FHIT: variants seen among roughly 807,000 people sequenced by gnomAD.
The protein encoded by FHIT is bis(5'-adenosyl)-triphosphatase.
A neutral mutation model predicts 17.9 loss-of-function variants in FHIT; 19 were observed. The ratio of observed to expected loss-of-function variants is 1.06; its 90% CI spans 0.74 to 1.56. FHIT has a LOEUF of 1.56. Among genes scored for constraint, FHIT ranks in the 40% most tolerant of loss-of-function variants. The pLI, the probability that FHIT is intolerant of heterozygous loss-of-function variation, is 0.00. For missense variants in FHIT, 248 were observed against 189.2 expected (o/e 1.31, Z -1.82); for synonymous variants, 81 against 69.7 (o/e 1.16, Z -0.81).
At chr3:60,235,299 C>G (rs779293321) in intron 5 of FHIT, among the ~76,000 whole-genome samples, 1 of 149,736 alleles carries the variant, frequency 6.7e-6, no homozygotes, top group Non-Finnish European at 1.5e-5. Context: ...GGCGTGGTCT[C>G]GGCTCACTGC....
intron 4 of FHIT, among the ~76,000 whole-genome samples, chr3:60,645,932 T>C (rs2107798746): frequency 6.6e-6 from 1 of 152,272 alleles, no homozygotes; most frequent in South Asian, 2.1e-4. Flanking sequence ...TTCAAATAAA[T>C]AAAACCTACT....
intron 3 of FHIT, among the ~76,000 whole-genome samples, chr3:60,874,861 G>C (rs1704573700): frequency 6.6e-6 from 1 of 152,134 alleles, no homozygotes; most frequent in Non-Finnish European, 1.5e-5. Flanking sequence ...TCTGAAATAG[G>C]AAGGTCTGTG....
intron 7 of FHIT, among the ~76,000 whole-genome samples, chr3:59,929,437 C>T (rs991390292): frequency 1.6e-5 from 2 of 128,522 alleles, no homozygotes; most frequent in Non-Finnish European, 3.1e-5. Context: ...GTGGCACGAT[C>T]TCGGCTCACT....
At chr3:60,276,291 T>C (rs1366556030) in intron 5 of FHIT, among the ~76,000 whole-genome samples, 1 of 152,176 alleles carries the variant, frequency 6.6e-6, no homozygotes, top group East Asian at 1.9e-4. Context: ...CGGCCTGTTT[T>C]TGTAATTTCT....
intron 5 of FHIT, among the ~76,000 whole-genome samples, chr3:60,357,207 TG>T (rs1418431103): frequency 6.7e-6 from 1 of 149,076 alleles, no homozygotes; most frequent in Non-Finnish European, 1.5e-5. Flanking sequence ...ACTTGTTTTT[TG>T]TTTGTTTGTT....
At chr3:61,110,903 T>A (rs1477769322) in intron 2 of FHIT, among the ~76,000 whole-genome samples, 1 of 152,202 alleles carries the variant, frequency 6.6e-6, no homozygotes, top group African/African-American at 2.4e-5. Context: ...ATTTAGGTTT[T>A]ACCGCTATAA....
At chr3:60,438,142 T>A (rs1218520606) in intron 5 of FHIT, among the ~76,000 whole-genome samples, 1 of 152,166 alleles carries the variant, frequency 6.6e-6, no homozygotes, top group South Asian at 2.1e-4. Context: ...ATTTGCACCG[T>A]AGTCCAGCTC....
chr3:60,296,787 G>A (rs1708231616), intron 5 of FHIT, among the ~76,000 whole-genome samples: 1 of 151,900 alleles, frequency 6.6e-6, no homozygotes, highest in South Asian at 2.1e-4. Flanking sequence ...TTCTAAAAGT[G>A]TTACATTAAT....
chr3:60,810,550 AG>A (rs1701542602), intron 4 of FHIT, among the ~76,000 whole-genome samples: 1 of 152,202 alleles, frequency 6.6e-6, no homozygotes, highest in Non-Finnish European at 1.5e-5. Flanking sequence ...ACTACACATT[AG>A]TAGAAAGGTT....
intron 8 of FHIT, among the ~76,000 whole-genome samples, chr3:59,803,028 A>G (rs1463630701): frequency 6.6e-6 from 1 of 152,104 alleles, no homozygotes; most frequent in Non-Finnish European, 1.5e-5. Context: ...CTGCCCTGTG[A>G]TATCCCCAGC....
At position 60,468,461 on chromosome 3, in the gene FHIT, CTGTTT is replaced by C. The variant is rs549503628; in HGVS notation, c.103+68394_103+68398del. ...GCTTGCTTTTTTATTTTTTCTAGAT[CTGTTT>C]TAAGTTTTTGCTTTGAGTGTACTGT... is the stretch of plus-strand genomic sequence containing the variant. On this transcript the variant is annotated intron_variant, in intron 5 of 9. Transcript: ENST00000492590. Among the ~76,000 whole-genome samples, 312 of 151,956 alleles carry C rather than the reference CTGTTT, an allele frequency of 2.1e-3. 1 individual carries two copies. The highest frequency in any genetic ancestry group is 3.9e-3 in the Non-Finnish European group (264 of 67,884).
intron 5 of FHIT, among the ~76,000 whole-genome samples, chr3:60,227,932 A>G (rs1704296651): frequency 6.6e-6 from 1 of 152,158 alleles, no homozygotes; most frequent in Admixed American, 6.5e-5. Flanking sequence ...TTAAAAAGCA[A>G]TTACTGGACA....
At chr3:61,004,485 T>C (rs1171495865) in intron 3 of FHIT, among the ~76,000 whole-genome samples, 2 of 152,186 alleles carry the variant, frequency 1.3e-5, no homozygotes, top group Non-Finnish European at 2.9e-5. Flanking sequence ...ATAAGGGACA[T>C]TCAACACTCT....
intron 5 of FHIT, among the ~76,000 whole-genome samples, chr3:60,049,822 AGTATT>A (rs1701801218): frequency 6.6e-6 from 1 of 152,208 alleles, no homozygotes; most frequent in African/African-American, 2.4e-5. Flanking sequence ...AACTACTACA[AGTATT>A]CTATAATAAG....
intron 7 of FHIT, among the ~76,000 whole-genome samples, chr3:59,973,006 A>G (rs1327758192): frequency 6.6e-6 from 1 of 152,184 alleles, no homozygotes; most frequent in East Asian, 1.9e-4. Context: ...TCCCAGTTGA[A>G]TACCAACTCT....
chr3:60,068,406 G>C (rs1163400557), intron 5 of FHIT, among the ~76,000 whole-genome samples: 1 of 152,186 alleles, frequency 6.6e-6, no homozygotes, highest in African/African-American at 2.4e-5. Context: ...TTAAGCTGGA[G>C]ATCTTGAGAA....
chr3:60,471,424 C>T (rs982245727), intron 5 of FHIT, among the ~76,000 whole-genome samples: 2 of 152,190 alleles, frequency 1.3e-5, no homozygotes, highest in Non-Finnish European at 2.9e-5. Context: ...TAGGGCTGGT[C>T]TAAATGCTCC....
intron 3 of FHIT, among the ~76,000 whole-genome samples, chr3:60,915,152 C>T (rs1706938171): frequency 6.6e-6 from 1 of 151,988 alleles, no homozygotes; most frequent in African/African-American, 2.4e-5. Flanking sequence ...ATTTTTCTTC[C>T]ATGTCTTTTT....
chr3:60,321,754 G>A (rs557447671), intron 5 of FHIT, among the ~76,000 whole-genome samples: 28 of 152,290 alleles, frequency 1.8e-4, no homozygotes, highest in Non-Finnish European at 4.0e-4. Context: ...CAGTTCTGGA[G>A]GCTGAGAAGC....
Sources: gnomAD v4.1 joint callset for allele counts (sites outside exome capture counted in the v4.1 genomes callset) on GRCh38, gnomAD v4.1.1 for gene constraint, MANE v1.5 for transcripts, NCBI Gene and HGNC (gene_info 2026-07-23, HGNC 2026-07-21) for gene names.